Variants in PACRG observed in about 807,000 individuals in gnomAD.
PACRG encodes parkin coregulated gene protein.
A neutral mutation model predicts 29.7 loss-of-function variants in PACRG; 29 were observed. That is an observed-to-expected ratio of 0.98 (90% CI 0.73 to 1.33). PACRG has a LOEUF of 1.33. Among genes scored for constraint, PACRG ranks in the 40% most tolerant of loss-of-function variants. PACRG has a pLI of 0.00. For synonymous variants in PACRG, 116 were observed against 118.7 expected (o/e 0.98, Z 0.15); for missense variants, 279 against 316.2 (o/e 0.88, Z 0.89).
intron 2 of PACRG, among the ~76,000 whole-genome samples, chr6:162,900,622 G>A (rs911057778): frequency 1.9e-4 from 29 of 151,970 alleles, no homozygotes; most frequent in Non-Finnish European, 4.0e-4. Flanking sequence ...GAGGGCCCCC[G>A]AGCTGCCACT....
At chr6:162,988,056 G>A (rs539041153) in intron 2 of PACRG, among the ~76,000 whole-genome samples, 44 of 152,294 alleles carry the variant, frequency 2.9e-4, no homozygotes, top group East Asian at 9.7e-4. Context: ...ATTTGCAGTG[G>A]CATGCCATTT....
At chr6:162,746,476 C>T (rs898208239) in intron 1 of PACRG, among the ~76,000 whole-genome samples, 1 of 152,028 alleles carries the variant, frequency 6.6e-6, no homozygotes, top group Non-Finnish European at 1.5e-5. Context: ...TGATGGATGC[C>T]TCTGTTTATG....
At chr6:163,020,229 T>C (rs1279156017) in intron 2 of PACRG, among the ~76,000 whole-genome samples, 1 of 152,228 alleles carries the variant, frequency 6.6e-6, no homozygotes, top group East Asian at 1.9e-4. Context: ...GTTTTGATAA[T>C]TAGCACAACT....
chr6:162,788,055 T>C (rs1055975655), intron 1 of PACRG, among the ~76,000 whole-genome samples: 1 of 152,152 alleles, frequency 6.6e-6, no homozygotes, highest in African/African-American at 2.4e-5. Context: ...TAGTTTACAT[T>C]GGGTCATTCT....
At chr6:163,122,051 A>G (rs539490412) in intron 4 of PACRG, among the ~76,000 whole-genome samples, 2 of 152,098 alleles carry the variant, frequency 1.3e-5, no homozygotes, top group African/African-American at 2.4e-5. Flanking sequence ...AGGGCGCCTT[A>G]TTAATGGTCA....
At chr6:163,185,343 G>A (rs985310295) in intron 4 of PACRG, among the ~76,000 whole-genome samples, 7 of 152,192 alleles carry the variant, frequency 4.6e-5, no homozygotes, top group Admixed American at 1.3e-4. Flanking sequence ...AACAATCCAC[G>A]TAATTTCTAT....
At chr6:163,059,675 G>T (rs1293110161) in intron 2 of PACRG, among the ~76,000 whole-genome samples, 5 of 152,134 alleles carry the variant, frequency 3.3e-5, no homozygotes, top group African/African-American at 1.2e-4. Flanking sequence ...CTGACTAGCT[G>T]CAGACCTTAG....
chr6:163,146,164 C>A (rs529232064), intron 4 of PACRG, among the ~76,000 whole-genome samples: 2 of 152,252 alleles, frequency 1.3e-5, no homozygotes, highest in East Asian at 1.9e-4. Context: ...TTTTATAAAT[C>A]TTTGTGCATG....
intron 4 of PACRG, among the ~76,000 whole-genome samples, chr6:163,119,570 G>A (rs952459076): frequency 2.6e-5 from 4 of 152,116 alleles, no homozygotes; most frequent in Non-Finnish European, 4.4e-5. Context: ...CACCCATCTC[G>A]GGATGATGGA....
At chr6:162,754,344 CT>C (rs1781735623) in intron 1 of PACRG, among the ~76,000 whole-genome samples, 1 of 151,954 alleles carries the variant, frequency 6.6e-6, no homozygotes, top group South Asian at 2.1e-4. Flanking sequence ...TGTTTTCTTG[CT>C]TTGAGTTGTT....
chr6:162,858,277 G>A (rs1791570646), intron 2 of PACRG, among the ~76,000 whole-genome samples: 1 of 152,056 alleles, frequency 6.6e-6, no homozygotes, highest in South Asian at 2.1e-4. Context: ...TATCTTACAT[G>A]GCAGCAGGAG....
chr6:162,871,790 C>G (rs1351010768), intron 2 of PACRG, among the ~76,000 whole-genome samples: 1 of 151,760 alleles, frequency 6.6e-6, no homozygotes, highest in Non-Finnish European at 1.5e-5. Flanking sequence ...TGGTAGCAGG[C>G]GCCTGTAGTC....
chr6:162,918,378 A>G (rs972052246), intron 2 of PACRG, among the ~76,000 whole-genome samples: 7 of 152,214 alleles, frequency 4.6e-5, no homozygotes, highest in African/African-American at 1.7e-4. Context: ...TATACTGAAA[A>G]TCAAATACTT....
chr6:162,931,912 A>G (rs1002587770), intron 2 of PACRG, among the ~76,000 whole-genome samples: 4 of 152,028 alleles, frequency 2.6e-5, no homozygotes, highest in African/African-American at 9.7e-5. Flanking sequence ...CTAGGCATTT[A>G]TCCAGAAGGA....
At chr6:162,909,409 G>T (rs1240397489) in intron 2 of PACRG, among the ~76,000 whole-genome samples, 1 of 151,972 alleles carries the variant, frequency 6.6e-6, no homozygotes, top group Non-Finnish European at 1.5e-5. Flanking sequence ...CAAAAAATTA[G>T]CCAGGCGTGG....
At chr6:163,286,210 C>T (rs1001913121) in intron 4 of PACRG, among the ~76,000 whole-genome samples, 3 of 152,084 alleles carry the variant, frequency 2.0e-5, no homozygotes, top group Admixed American at 1.3e-4. Context: ...ATGATGAGCT[C>T]ACATCTGTTA....
At chr6:163,305,851 A>G (rs1034442720) in intron 4 of PACRG, among the ~76,000 whole-genome samples, 1 of 152,198 alleles carries the variant, frequency 6.6e-6, no homozygotes, top group Non-Finnish European at 1.5e-5. Flanking sequence ...GTATCTCCCC[A>G]TCACTTACTC....
At chr6:163,179,478 T>C (rs368931342) in intron 4 of PACRG, 40 of 273,348 alleles carry the variant, frequency 1.5e-4, no homozygotes, top group East Asian at 7.7e-4. Flanking sequence ...TGAAGGTGGA[T>C]TGCTTCAGCC....
At chr6:163,290,739 A>G (rs1317373106) in intron 4 of PACRG, among the ~76,000 whole-genome samples, 1 of 152,200 alleles carries the variant, frequency 6.6e-6, no homozygotes, top group Non-Finnish European at 1.5e-5. Context: ...CACTGTCGCT[A>G]TTACTGTGTC....
Sources: allele counts gnomAD v4.1 joint callset (sites outside exome capture counted in the v4.1 genomes callset), GRCh38; gene constraint gnomAD v4.1.1; transcripts MANE v1.5; gene names NCBI Gene and HGNC (gene_info 2026-07-23, HGNC 2026-07-21).